The following PTPRG variants were observed in gnomAD, a reference collection of about 807,000 sequenced individuals.
The protein encoded by PTPRG is receptor-type tyrosine-protein phosphatase gamma.
Under a neutral mutation model 165.3 loss-of-function variants are expected in PTPRG, and 102 were observed. The observed-to-expected ratio is 0.62, with a 90% CI of 0.53 to 0.73. The LOEUF (loss-of-function observed/expected upper bound fraction) is 0.73. Ranked by LOEUF, PTPRG falls within the 30% of genes least tolerant of loss-of-function variation. The probability of loss-of-function intolerance (pLI) is 0.00; values close to 1 mark genes in which losing one functional copy is unlikely to be tolerated. For missense variants in PTPRG, 1,866 were observed against 1,861.4 expected (o/e 1.00, Z -0.05); for synonymous variants, 675 against 669.5 (o/e 1.01, Z -0.13).
intron 4 of PTPRG, among the ~76,000 whole-genome samples, chr3:62,015,456 G>A (rs770049783): frequency 2.6e-5 from 4 of 152,176 alleles, no homozygotes; most frequent in Non-Finnish European, 5.9e-5. Flanking sequence ...AGCAGAGAAT[G>A]TTCTCCATCT....
Position 61,870,522 on chromosome 3 carries a change from ATTT to A in PTPRG, c.191-119089_191-119087del, listed in dbSNP as rs71100985. On this transcript the variant is annotated intron_variant, in intron 2 of 29. Transcript: ENST00000474889. ...TTTTTTGTATTTTTAGTAGAGATGG[ATTT>A]TTTTTTTTTTTTTGTATTTTTAGTA... Among the ~76,000 whole-genome samples the A allele has an allele frequency of 2.9e-4, 11 of 38,372 alleles. 2 individuals are homozygous for A. The highest frequency in any genetic ancestry group is 9.4e-4 in the East Asian group (1 of 1,066). The allele number at this position is 38,372 out of a possible 152,430, so 25.2% of individuals were successfully genotyped here. A position where few individuals can be genotyped will look rare whatever the true frequency, so the allele number is the denominator to read the frequency against.
At chr3:61,605,706 C>T (rs1379963206) in intron 1 of PTPRG, among the ~76,000 whole-genome samples, 4 of 152,010 alleles carry the variant, frequency 2.6e-5, no homozygotes, top group Non-Finnish European at 5.9e-5. Flanking sequence ...GTAGCTGGGA[C>T]TACGGGCACA....
chr3:62,048,588 A>G lies in PTPRG; in HGVS notation c.520-29575A>G, dbSNP rs537931398. Among the ~76,000 whole-genome samples, 60 of 152,338 alleles carry G rather than the reference A, an allele frequency of 3.9e-4. No individual in the cohort carries two copies. The Middle Eastern group carries it at 0.017, about 43-fold the overall frequency. ...AGGGCAACCTTTTTTATATAAACTTATCTCTTCTTACTACCTTTTTAATCT... is the reference window on the plus strand; with the variant it reads ...AGGGCAACCTTTTTTATATAAACTTGTCTCTTCTTACTACCTTTTTAATCT... On this transcript the variant is annotated intron_variant, in intron 4 of 29. Transcript: ENST00000474889.
intron 1 of PTPRG, among the ~76,000 whole-genome samples, chr3:61,599,775 T>G (rs969378981): frequency 1.3e-5 from 2 of 152,086 alleles, no homozygotes; most frequent in African/African-American, 4.8e-5. Flanking sequence ...ATAATCGGCA[T>G]GAACCACCGC....
chr3:62,197,104 C>A (rs1699983994), intron 10 of PTPRG, among the ~76,000 whole-genome samples: 1 of 152,184 alleles, frequency 6.6e-6, no homozygotes, highest in Non-Finnish European at 1.5e-5. Context: ...TGAGTCCCAG[C>A]TGCCTTTTGG....
intron 3 of PTPRG, among the ~76,000 whole-genome samples, chr3:62,000,684 C>T (rs2041153033): frequency 6.6e-6 from 1 of 152,198 alleles, no homozygotes; most frequent in Non-Finnish European, 1.5e-5. Flanking sequence ...TCCTATTGTC[C>T]CTGCCTAATG....
intron 8 of PTPRG, among the ~76,000 whole-genome samples, chr3:62,177,514 C>T (rs76704401): frequency 0.011 from 1,636 of 152,304 alleles, 30 homozygotes; most frequent in African/African-American, 0.038. Context: ...GTGCCATGCC[C>T]TCTTCCTGTT....
chr3:61,679,986 A>G (rs1376902673), intron 1 of PTPRG, among the ~76,000 whole-genome samples: 1 of 152,060 alleles, frequency 6.6e-6, no homozygotes, highest in Non-Finnish European at 1.5e-5. Flanking sequence ...TCTCTTTCTC[A>G]ATTTCGATTG....
Position 61,808,303 on chromosome 3 carries a change from G to C in PTPRG, c.190+59321G>C, listed in dbSNP as rs79024118. Among the ~76,000 whole-genome samples, 960 of 152,326 alleles carry C rather than the reference G, an allele frequency of 6.3e-3. 6 individuals are homozygous for C. Among genetic ancestry groups the C allele is most frequent in the Admixed American group, 0.011 (169 of 15,304 alleles). ...TGGAGAAGTTACAAAGGTGTTAGCT[G>C]TTAAGATGTGGAGTGAACTGGAATC... On this transcript the variant is annotated intron_variant, in intron 2 of 29. Transcript: ENST00000474889.
intron 1 of PTPRG, among the ~76,000 whole-genome samples, chr3:61,656,421 A>T (rs1240894709): frequency 6.6e-6 from 1 of 152,196 alleles, no homozygotes; most frequent in Non-Finnish European, 1.5e-5. Context: ...TGACCGTTTC[A>T]TAAAATAAGC....
chr3:62,097,151 T>G (rs892846673), intron 5 of PTPRG, among the ~76,000 whole-genome samples: 3 of 152,214 alleles, frequency 2.0e-5, no homozygotes, highest in African/African-American at 7.2e-5. Context: ...ACCGATTGCC[T>G]TTGTTCCACT....
chr3:62,282,600 T>C (rs1702495383), intron 27 of PTPRG, 127 bp from the exon 28 acceptor site: 1 of 867,696 alleles, frequency 1.2e-6, no homozygotes, highest in Non-Finnish European at 1.7e-6. Context: ...CCAGCTGTGG[T>C]TTGGTTAACA....
rs1005313285 is a variant in PTPRG, at chr3:62,296,294, G to A, written c.*2987G>A. On this transcript the variant is annotated 3_prime_UTR_variant, in exon 30 of 30. Coordinates refer to ENST00000474889, the MANE Select transcript of PTPRG (RefSeq NM_002841.4). ...AGTAGAAGAGTCCAGCGAGGCCAAA[G>A]AAGGGTTACGGTGTTCAAGTTCTGG... 5 of 151,982 alleles carry A rather than the reference G, an allele frequency of 3.3e-5. No homozygotes were observed. The highest frequency in any genetic ancestry group is 2.6e-4 in the Admixed American group (4 of 15,234). The allele number at this position is 151,982 out of a possible 1,614,324, so 9.4% of individuals were successfully genotyped here. A position where few individuals can be genotyped will look rare whatever the true frequency, so the allele number is the denominator to read the frequency against.
At chr3:61,721,882 C>A (rs765506665) in intron 1 of PTPRG, among the ~76,000 whole-genome samples, 1 of 152,094 alleles carries the variant, frequency 6.6e-6, no homozygotes, top group Non-Finnish European at 1.5e-5. Flanking sequence ...TCACTGGAAC[C>A]TCATATTGTT....
chr3:61,929,550 C>T (rs1336880397), intron 2 of PTPRG, among the ~76,000 whole-genome samples: 2 of 152,148 alleles, frequency 1.3e-5, no homozygotes, highest in South Asian at 2.1e-4. Flanking sequence ...TGCACCTAAC[C>T]GTCCTTTGGA....
At chr3:61,832,904 T>C (rs1038964509) in intron 2 of PTPRG, among the ~76,000 whole-genome samples, 2 of 152,198 alleles carry the variant, frequency 1.3e-5, no homozygotes, top group Admixed American at 6.5e-5. Context: ...ATCATTCCTA[T>C]GTCTTTGCAT....
intron 1 of PTPRG, among the ~76,000 whole-genome samples, chr3:61,667,570 T>G (rs188400544): frequency 6.6e-6 from 1 of 152,308 alleles, no homozygotes; most frequent in African/African-American, 2.4e-5. Flanking sequence ...GAGGCTCTAT[T>G]AGGCCTGACT....
chr3:62,258,911 A>G (rs571326651), intron 16 of PTPRG, among the ~76,000 whole-genome samples: 1 of 152,282 alleles, frequency 6.6e-6, no homozygotes, highest in African/African-American at 2.4e-5. Flanking sequence ...AGGCTTCCAA[A>G]AGACCAGTGC....
chr3:61,917,186 C>G (rs757338497), intron 2 of PTPRG, among the ~76,000 whole-genome samples: 1 of 152,124 alleles, frequency 6.6e-6, no homozygotes, highest in Non-Finnish European at 1.5e-5. Context: ...GTTAGACGCT[C>G]GGCTCCTCAT....
Sources: gnomAD v4.1 joint callset for allele counts (sites outside exome capture counted in the v4.1 genomes callset) on GRCh38, gnomAD v4.1.1 for gene constraint, MANE v1.5 for transcripts, NCBI Gene and HGNC (gene_info 2026-07-23, HGNC 2026-07-21) for gene names.